OTC: variants seen among roughly 807,000 people sequenced by gnomAD.
The protein encoded by OTC is ornithine transcarbamylase, mitochondrial.
A neutral mutation model predicts 30.3 loss-of-function variants in OTC; 3 were observed. The observed-to-expected ratio is 0.10, with a 90% CI of 0.05 to 0.26. The LOEUF (loss-of-function observed/expected upper bound fraction) is 0.26, where lower values mean the gene tolerates loss of function less well. Among genes scored for constraint, OTC ranks in the 10% least tolerant of loss-of-function variants. The pLI, the probability that OTC is intolerant of heterozygous loss-of-function variation, is 1.00. For synonymous variants in OTC, 111 were observed against 99.7 expected, an observed-to-expected ratio of 1.11 and a Z score of -0.67; for missense variants, 194 against 260.3, an observed-to-expected ratio of 0.75 and a Z score of 1.75.
intron 4 of OTC, among the ~76,000 whole-genome samples, chrX:38,399,805 C>G (rs1295072247): frequency 1.8e-5 from 2 of 111,221 alleles, no homozygotes; most frequent in African/African-American, 3.3e-5. Flanking sequence ...TTTGAAAACC[C>G]CTTGTCTTAG....
intron 5 of OTC, 85 bp downstream of exon 5, chrX:38,401,513 G>A: frequency 1.3e-6 from 1 of 753,928 alleles, no homozygotes; most frequent in Non-Finnish European, 2.1e-6. Flanking sequence ...TTAAATCATG[G>A]TATTGGTGTT....
intron 9 of OTC, 151 bp downstream of exon 9, chrX:38,412,150 A>G: frequency 3.8e-6 from 2 of 530,222 alleles, no homozygotes; most frequent in Non-Finnish European, 6.5e-6. Context: ...TTTATAATAC[A>G]TCATTAGTGC....
At chrX:38,342,254 C>T in the OTC span, among the ~76,000 whole-genome samples, 1 of 109,099 alleles carries the variant, frequency 9.2e-6, no homozygotes, top group East Asian at 2.9e-4. Context: ...AACTCCTGAC[C>T]TCGTGATCCG....
At chrX:38,394,372 A>G (rs1423581759) in intron 4 of OTC, among the ~76,000 whole-genome samples, 3 of 112,170 alleles carry the variant, frequency 2.7e-5, no homozygotes, top group Admixed American at 1.9e-4. Flanking sequence ...AAATTTAGGT[A>G]TAATTTTTTT....
At chrX:38,358,164 G>A (rs771243104) in intron 1 of OTC, among the ~76,000 whole-genome samples, 86 of 110,789 alleles carry the variant, frequency 7.8e-4, no homozygotes, top group African/African-American at 2.6e-3. Context: ...GAAGAATGAG[G>A]TCTCTAGGGG....
chrX:38,388,615 C>T (rs1204291186), intron 4 of OTC, among the ~76,000 whole-genome samples: 2 of 111,470 alleles, frequency 1.8e-5, no homozygotes, highest in Non-Finnish European at 3.8e-5. Context: ...TCTGTAATGA[C>T]AGCTTTTCAT....
the OTC span, among the ~76,000 whole-genome samples, chrX:38,332,515 T>TATATATATAAAATATATATATG: frequency 1.7e-4 from 14 of 84,330 alleles, 1 homozygote; most frequent in African/African-American, 4.9e-4. Context: ...TATATATATA[T>TATATATATAAAATATATATATG]ATATATATAT....
chrX:38,349,480 A>T (rs1449364702), upstream of OTC, among the ~76,000 whole-genome samples: 1 of 112,469 alleles, frequency 8.9e-6, no homozygotes, highest in Non-Finnish European at 1.9e-5. Flanking sequence ...TGGGTTTGTT[A>T]TCAAGAGAAT....
chrX:38,383,493 G>A (rs912535905), intron 4 of OTC, among the ~76,000 whole-genome samples: 11 of 111,946 alleles, frequency 9.8e-5, no homozygotes, highest in African/African-American at 2.3e-4. Context: ...GAGGGGCAGC[G>A]AAACAAGTTA....
chrX:38,382,751 G>A (rs1485400605), intron 4 of OTC, among the ~76,000 whole-genome samples: 1 of 112,370 alleles, frequency 8.9e-6, no homozygotes, highest in Non-Finnish European at 1.9e-5. Flanking sequence ...ACATACCCAA[G>A]CAAAGTTTCA....
chrX:38,327,684 A>G, the OTC span: 1 of 346,143 alleles, frequency 2.9e-6, no homozygotes, highest in Non-Finnish European at 4.9e-6. Context: ...GGCGGCCTGG[A>G]GCAGAGAGGC....
intron 9 of OTC, among the ~76,000 whole-genome samples, chrX:38,412,863 C>G (rs1176299420): frequency 3.6e-5 from 4 of 112,144 alleles, no homozygotes; most frequent in Non-Finnish European, 5.6e-5. Flanking sequence ...AGGGACAACA[C>G]AGGCAGAAAA....
At chrX:38,345,563 C>T in the OTC span, among the ~76,000 whole-genome samples, 33 of 105,427 alleles carry the variant, frequency 3.1e-4, no homozygotes, top group South Asian at 4.2e-4. Context: ...TTTTTTGAGG[C>T]GAAGTCTTTT....
chrX:38,343,745 G>A, the OTC span, among the ~76,000 whole-genome samples: 2 of 112,407 alleles, frequency 1.8e-5, no homozygotes, highest in East Asian at 2.8e-4. Context: ...CAATGGAAAT[G>A]TGGTCTATAT....
At chrX:38,342,589 G>A in the OTC span, among the ~76,000 whole-genome samples, 1 of 111,668 alleles carries the variant, frequency 9.0e-6, no homozygotes. Flanking sequence ...CTTGCCAGAT[G>A]ATTCGCTTAC....
chrX:38,422,378 TAGAA>T (rs2068600153), downstream of OTC, among the ~76,000 whole-genome samples: 2 of 112,081 alleles, frequency 1.8e-5, no homozygotes, highest in Non-Finnish European at 3.8e-5. Context: ...TGGAAGCACT[TAGAA>T]AGAGAGTGGA....
At chrX:38,334,927 C>G in the OTC span, among the ~76,000 whole-genome samples, 2 of 111,687 alleles carry the variant, frequency 1.8e-5, no homozygotes, top group African/African-American at 6.5e-5. Context: ...GGAGCACAAA[C>G]CCCATAGTGA....
intron 5 of OTC, 42 bp from the exon 6 acceptor site, chrX:38,403,576 A>G: frequency 1.7e-6 from 2 of 1,198,721 alleles, no homozygotes; most frequent in South Asian, 3.5e-5. Context: ...ACATAAGCGA[A>G]TTTACGCCTG....
chrX:38,339,054 G>T, the OTC span, among the ~76,000 whole-genome samples: 1 of 112,060 alleles, frequency 8.9e-6, no homozygotes, highest in African/African-American at 3.2e-5. Context: ...TAGTTGGGGG[G>T]TGGGTTCGGA....
Sources: gnomAD v4.1 joint callset for allele counts (sites outside exome capture counted in the v4.1 genomes callset) on GRCh38, gnomAD v4.1.1 for gene constraint, MANE v1.5 for transcripts, NCBI Gene and HGNC (gene_info 2026-07-23, HGNC 2026-07-21) for gene names.